The following GNAO1 variants were observed in gnomAD, a reference collection of about 807,000 sequenced individuals.
GNAO1 encodes the protein G protein subunit alpha o1.
For synonymous variants in GNAO1, 164 were observed against 180.7 expected, an observed-to-expected ratio of 0.91 and a Z score of 0.74; for missense variants, 166 against 478.7, an observed-to-expected ratio of 0.35 and a Z score of 6.10.
At chr16:56,338,312 A>G (rs2037762676) in intron 6 of GNAO1, among the ~76,000 whole-genome samples, 1 of 152,172 alleles carries the variant, frequency 6.6e-6, no homozygotes, top group Admixed American at 6.5e-5. Context: ...TGGCATCTGC[A>G]GGCAGTGATG....
At chr16:56,307,454 TG>T (rs1226897940) in intron 3 of GNAO1, 1 of 152,206 alleles carries the variant, frequency 6.6e-6, no homozygotes, top group African/African-American at 2.4e-5. Context: ...TTGTAGTTAT[TG>T]TTATTATTAC....
At chr16:56,265,027 A>G (rs72814446) in intron 2 of GNAO1, among the ~76,000 whole-genome samples, 1 of 152,272 alleles carries the variant, frequency 6.6e-6, no homozygotes, top group Non-Finnish European at 1.5e-5. Flanking sequence ...TGTAAGGCCT[A>G]GGTGTCACCC....
intron 6 of GNAO1, among the ~76,000 whole-genome samples, chr16:56,338,721 T>C (rs2037768182): frequency 6.6e-6 from 1 of 152,192 alleles, no homozygotes; most frequent in Non-Finnish European, 1.5e-5. Context: ...CTCGCTCACC[T>C]CTGGAAGATG....
chr16:56,263,034 T>C (rs890948200), intron 2 of GNAO1, among the ~76,000 whole-genome samples: 1 of 152,184 alleles, frequency 6.6e-6, no homozygotes, highest in African/African-American at 2.4e-5. Flanking sequence ...CTTAGAAACC[T>C]GTGAGAACCA....
chr16:56,344,279 A>G, intron 6 of GNAO1: 1 of 1,233,730 alleles, frequency 8.1e-7, no homozygotes. Flanking sequence ...CTGATGACTC[A>G]CTGGAAGCCT....
At position 56,229,609 on chromosome 16, in the gene GNAO1, G is replaced by GTGGATGGA. The variant is rs149366140; in HGVS notation, c.161+37028_161+37035dup. ...CCAGGCACTGTTCATGGATGGGTGG[G>GTGGATGGA]TGGATGGATGGATGGATGGATGGAT... On this transcript the variant is annotated intron_variant, in intron 2 of 8. Transcript: ENST00000262493. Among the ~76,000 whole-genome samples the GTGGATGGA allele has an allele frequency of 4.0e-3, 611 of 151,164 alleles. 4 individuals carry two copies. Among genetic ancestry groups the GTGGATGGA allele is most frequent in the African/African-American group, 0.013 (532 of 40,962 alleles).
chr16:56,230,976 TC>T, intron 2 of GNAO1, among the ~76,000 whole-genome samples: 1 of 152,166 alleles, frequency 6.6e-6, no homozygotes, highest in Admixed American at 6.5e-5. Flanking sequence ...TGGGTGTCTG[TC>T]CCTGTCAGGA....
At chr16:56,244,444 A>G (rs891209035) in intron 2 of GNAO1, among the ~76,000 whole-genome samples, 22 of 151,842 alleles carry the variant, frequency 1.4e-4, no homozygotes, top group African/African-American at 5.3e-4. Context: ...GGCTGAAATT[A>G]CGTCCCACCA....
chr16:56,282,927 C>T (rs1195471561), intron 3 of GNAO1, among the ~76,000 whole-genome samples: 3 of 148,418 alleles, frequency 2.0e-5, no homozygotes, highest in Non-Finnish European at 4.5e-5. Flanking sequence ...CTCCAGGCCC[C>T]TCAGGAAGAA....
At chr16:56,234,178 C>G (rs1349699175) in intron 2 of GNAO1, among the ~76,000 whole-genome samples, 1 of 152,240 alleles carries the variant, frequency 6.6e-6, no homozygotes, top group East Asian at 1.9e-4. Flanking sequence ...CCCAACCCTC[C>G]TGGTCTGGCT....
intron 2 of GNAO1, among the ~76,000 whole-genome samples, chr16:56,253,654 GT>G (rs1399418596): frequency 1.3e-5 from 2 of 152,334 alleles, no homozygotes; most frequent in East Asian, 3.9e-4. Context: ...GCTGAGCCCT[GT>G]TACCTACTGG....
At chr16:56,243,824 T>G (rs1403779465) in intron 2 of GNAO1, among the ~76,000 whole-genome samples, 2 of 152,208 alleles carry the variant, frequency 1.3e-5, no homozygotes, top group Non-Finnish European at 2.9e-5. Flanking sequence ...AGTGAAGCTG[T>G]TGAAAACATT....
At position 56,354,797 on chromosome 16, in the gene GNAO1, A is replaced by G; in HGVS notation, c.878-69A>G. On this transcript the variant is annotated intron_variant, in intron 7 of 8. Transcript: ENST00000262493. The surrounding 1 kb of genome is among the most constrained non-coding windows in gnomAD (Gnocchi z 4.3). ...ACGCCACAACCCACTTCTTGTCTTCATGTCCCCAGCCCTGTCCACCCACAG... is the reference window on the plus strand; with the variant it reads ...ACGCCACAACCCACTTCTTGTCTTCGTGTCCCCAGCCCTGTCCACCCACAG... 1.1e-6 allele frequency: 1 copy of G among 938,478 alleles called. No individual in the cohort carries two copies. Among genetic ancestry groups the G allele is most frequent in the Non-Finnish European group, 1.7e-6 (1 of 591,628 alleles). 58.1% of individuals were successfully genotyped at this position (938,478 alleles called of 1,614,324 possible). A position where few individuals can be genotyped will look rare whatever the true frequency, so the allele number is the denominator to read the frequency against.
chr16:56,337,778 G>C (rs1298281278), intron 6 of GNAO1, among the ~76,000 whole-genome samples: 2 of 152,342 alleles, frequency 1.3e-5, no homozygotes, highest in East Asian at 3.9e-4. Flanking sequence ...TGAGCCTGCA[G>C]GTCCACTGCG....
chr16:56,194,221 G>A (rs1336733147), intron 2 of GNAO1: 2 of 456,616 alleles, frequency 4.4e-6, no homozygotes, highest in South Asian at 1.5e-5. Flanking sequence ...CTGAGCCAGG[G>A]GTAATTTAGC....
chr16:56,328,940 A>G, intron 4 of GNAO1, 149 bp downstream of exon 4: 1 of 705,056 alleles, frequency 1.4e-6, no homozygotes, highest in Non-Finnish European at 2.3e-6. Flanking sequence ...GGGTGTCAGG[A>G]AGGAATGAGA....
intron 6 of GNAO1, among the ~76,000 whole-genome samples, chr16:56,341,552 C>T (rs2037803786): frequency 6.6e-6 from 1 of 152,216 alleles, no homozygotes; most frequent in African/African-American, 2.4e-5. Context: ...TCTGCTCTTG[C>T]CTTTAGGGTT....
intron 2 of GNAO1, among the ~76,000 whole-genome samples, chr16:56,203,947 T>C (rs1164805658): frequency 6.6e-6 from 1 of 152,104 alleles, no homozygotes; most frequent in African/African-American, 2.4e-5. Flanking sequence ...CTAAGGGGTA[T>C]ATAGGGTGCC....
At chr16:56,251,303 A>G (rs56335226) in intron 2 of GNAO1, among the ~76,000 whole-genome samples, 2,640 of 152,346 alleles carry the variant, frequency 0.017, 48 homozygotes, top group South Asian at 0.053. Context: ...GTTGCCCATT[A>G]CACTGATGAC....
Sources: gnomAD v4.1 joint callset for allele counts (sites outside exome capture counted in the v4.1 genomes callset) on GRCh38, gnomAD v4.1.1 for gene constraint, Gnocchi (gnomAD v3.1) non-coding constraint, MANE v1.5 for transcripts, NCBI Gene and HGNC (gene_info 2026-07-23, HGNC 2026-07-21) for gene names.